Variants in OR7A10 observed in about 807,000 individuals in gnomAD.
OR7A10 encodes olfactory receptor 7A10.
For synonymous variants in OR7A10, 144 were observed against 144.5 expected, an observed-to-expected ratio of 1.00 and a Z score of 0.02; for missense variants, 358 against 370.1, an observed-to-expected ratio of 0.97 and a Z score of 0.27.
chr19:14,844,813 C>T (rs1182518831), intron 1 of OR7A10, among the ~76,000 whole-genome samples: 5 of 151,556 alleles, frequency 3.3e-5, no homozygotes, highest in Non-Finnish European at 7.4e-5. Context: ...TAGGCGCCTG[C>T]TACCACACCC....
chr19:14,844,664 G>GTTGTTTTTTTTTTTTTT (rs2044931569), intron 1 of OR7A10, among the ~76,000 whole-genome samples: 1 of 97,662 alleles, frequency 1.0e-5, no homozygotes, highest in Non-Finnish European at 2.0e-5. Context: ...TGAGTTCTGT[G>GTTGTTTTTTTTTTTTTT]TTTTTTTTTT....
At chr19:14,844,664 G>GTTTTTTGTT (rs1555697160) in intron 1 of OR7A10, among the ~76,000 whole-genome samples, 1 of 97,660 alleles carries the variant, frequency 1.0e-5, no homozygotes, top group African/African-American at 4.0e-5. Context: ...TGAGTTCTGT[G>GTTTTTTGTT]TTTTTTTTTT....
chr19:14,841,228 GA>G lies in OR7A10; in HGVS notation c.649del (p.Ser217LeufsTer5). ...TATGGAGGAAACTATCTTAGAGTAA[GA>G]GTACAGGATCCCAGTGAGGGGACCA... is the stretch of plus-strand genomic sequence containing the variant. ...GGGPLTGILY[S>X]YSKIVSSIRA... is the part of the protein sequence containing the mutation. On this transcript the variant is annotated frameshift_variant, in exon 2 of 2. Coordinates refer to ENST00000641129, the MANE Select transcript of OR7A10 (RefSeq NM_001005190.2). LOFTEE classifies it low-confidence loss of function (END_TRUNC). 1 of 1,614,188 alleles carries G rather than the reference GA, an allele frequency of 6.2e-7. No homozygotes were observed. Among genetic ancestry groups the G allele is most frequent in the South Asian group, 1.1e-5 (1 of 91,074 alleles).
chr19:14,844,468 A>C (rs1392234316), intron 1 of OR7A10, among the ~76,000 whole-genome samples: 1 of 152,136 alleles, frequency 6.6e-6, no homozygotes, highest in Non-Finnish European at 1.5e-5. Flanking sequence ...GAGAATGAGC[A>C]AGAAGAGAGG....
intron 1 of OR7A10, 31 bp from the exon 2 acceptor site, chr19:14,841,920 G>GAGAA (rs1368913418): frequency 7.5e-7 from 1 of 1,336,954 alleles, no homozygotes; most frequent in African/African-American, 1.5e-5. Flanking sequence ...GAGAGAGAGA[G>GAGAA]AGTGAAAGAA....
At chr19:14,844,792 A>G (rs2044933411) in intron 1 of OR7A10, among the ~76,000 whole-genome samples, 1 of 150,906 alleles carries the variant, frequency 6.6e-6, no homozygotes, top group African/African-American at 2.4e-5. Flanking sequence ...CCCCCTGAGT[A>G]GCTGGGATTA....
At chr19:14,846,121 T>C (rs1025119719) in intron 1 of OR7A10, among the ~76,000 whole-genome samples, 1 of 152,058 alleles carries the variant, frequency 6.6e-6, no homozygotes, top group African/African-American at 2.4e-5. Context: ...ACCATTGCAC[T>C]CCAGCCTGGG....
intron 1 of OR7A10, among the ~76,000 whole-genome samples, chr19:14,847,403 CTG>C (rs2044947728): frequency 6.6e-6 from 1 of 152,194 alleles, no homozygotes; most frequent in South Asian, 2.1e-4. Flanking sequence ...CAGCTGAAAA[CTG>C]TACGTTTCAT....
chr19:14,843,854 T>A (rs919280351), intron 1 of OR7A10, among the ~76,000 whole-genome samples: 59 of 151,738 alleles, frequency 3.9e-4, no homozygotes, highest in African/African-American at 1.2e-3. Flanking sequence ...TAAGTGGGAG[T>A]CGAACAATGA....
rs903493910 is a variant in OR7A10, at chr19:14,841,250, G to A, written c.628C>T (p.Pro210Ser). Reference protein sequence around the residue: ...YFAVALLGGGPLTGILYSYSK... With the variant: ...YFAVALLGGGSLTGILYSYSK... Reference sequence around the variant, plus strand: ...TAAGAGTACAGGATCCCAGTGAGGGGACCACCGCCCAGCAGCGCTACTGCA... The same window carrying A: ...TAAGAGTACAGGATCCCAGTGAGGGAACCACCGCCCAGCAGCGCTACTGCA... Residue 210 changes from proline (P) to serine (S), a missense_variant, in exon 2 of 2, where the codon CCC becomes TCC. Transcript: ENST00000641129. 1.9e-6 allele frequency: 3 copies of A among 1,614,156 alleles called. No homozygotes were observed. In the South Asian group the frequency reaches 3.3e-5, roughly 18 times the overall value.
chr19:14,842,432 G>C (rs2044920299), intron 1 of OR7A10, among the ~76,000 whole-genome samples: 1 of 152,182 alleles, frequency 6.6e-6, no homozygotes, highest in Non-Finnish European at 1.5e-5. Flanking sequence ...TGTATTTTTA[G>C]TAGAGACAGA....
At chr19:14,844,090 C>T (rs1236517773) in intron 1 of OR7A10, among the ~76,000 whole-genome samples, 2 of 152,110 alleles carry the variant, frequency 1.3e-5, no homozygotes, top group South Asian at 2.1e-4. Flanking sequence ...TAAAAAACCC[C>T]TCCAGAAGTC....
At chr19:14,844,911 C>T (rs1464142686) in intron 1 of OR7A10, among the ~76,000 whole-genome samples, 1 of 151,662 alleles carries the variant, frequency 6.6e-6, no homozygotes, top group Non-Finnish European at 1.5e-5. Flanking sequence ...GATCTGCCCA[C>T]CTCGGCCTCC....
rs370994485 is a variant in OR7A10 at position 14,841,114 on chromosome 19, C to G, written c.764G>C (p.Cys255Ser). 8.7e-6 allele frequency: 14 copies of G among 1,613,856 alleles called. No homozygotes were observed. The highest frequency in any genetic ancestry group is 7.6e-6 in the Non-Finnish European group (9 of 1,179,968). ...AGCAGAACTAAGGTACACCCCTAAG[C>G]ATGTACCATAAAATAAGGAGACAAC... is the stretch of plus-strand genomic sequence containing the variant. ...LSVVSLFYGT[C>S]LGVYLSSAAT... The change falls in exon 2 of 2, where the codon TGC (cysteine) becomes TCC (serine). Residue 255 changes from cysteine (C) to serine (S), a missense_variant. Transcript: ENST00000641129.
At chr19:14,846,709 C>CAAAAAAAAAAAAAAAAAAAAAA (rs60087409) in intron 1 of OR7A10, among the ~76,000 whole-genome samples, 2 of 64,038 alleles carry the variant, frequency 3.1e-5, no homozygotes, top group African/African-American at 6.6e-5. Flanking sequence ...GACTCCATCT[C>CAAAAAAAAAAAAAAAAAAAAAA]AAAAAAAAAA....
intron 1 of OR7A10, among the ~76,000 whole-genome samples, chr19:14,843,660 C>G (rs569424558): frequency 6.6e-6 from 1 of 152,360 alleles, no homozygotes; most frequent in Admixed American, 6.5e-5. Flanking sequence ...CAGCCTTTCT[C>G]TGAGGGCATC....
In OR7A10 at chr19:14,841,897, A is replaced by T; in HGVS notation, c.-12-8T>A. 7.8e-6 allele frequency: 8 copies of T among 1,020,384 alleles called. No individual in the cohort carries two copies. Among genetic ancestry groups the T allele is most frequent in the Non-Finnish European group, 1.1e-5 (8 of 735,608 alleles). The allele number at this position is 1,020,384 out of a possible 1,614,324, so 63.2% of individuals were successfully genotyped here. Reference sequence around the variant, plus strand: ...TTTCATCTTGTGATGTGACTACCAGAGAGAGAGAGAGAGAGAGAGAGAGAG... The same window carrying T: ...TTTCATCTTGTGATGTGACTACCAGTGAGAGAGAGAGAGAGAGAGAGAGAG... On this transcript the variant is annotated splice_polypyrimidine_tract_variant and splice_region_variant and intron_variant, in intron 1 of 1. Transcript: ENST00000641129.
chr19:14,845,233 G>A (rs1294411894), intron 1 of OR7A10, among the ~76,000 whole-genome samples: 1 of 151,964 alleles, frequency 6.6e-6, no homozygotes, highest in Admixed American at 6.5e-5. Context: ...CCAGCACTTT[G>A]GGAGGCTGAG....
chr19:14,845,654 G>T (rs1474862829), intron 1 of OR7A10, among the ~76,000 whole-genome samples: 3 of 152,150 alleles, frequency 2.0e-5, no homozygotes, highest in Admixed American at 2.0e-4. Context: ...CTCTAATTTT[G>T]CTGGCATAAA....
Sources: allele counts gnomAD v4.1 joint callset (sites outside exome capture counted in the v4.1 genomes callset), GRCh38; gene constraint gnomAD v4.1.1; transcripts MANE v1.5; gene names NCBI Gene and HGNC (gene_info 2026-07-23, HGNC 2026-07-21).